The following ACBD6 variants were observed in gnomAD, a reference collection of about 807,000 sequenced individuals.
ACBD6 encodes the protein acyl-CoA binding domain containing 6, also known as acyl-CoA-binding domain-containing protein 6.
ACBD6 carries 28 observed loss-of-function variants against 37.2 expected under a neutral mutation model. The ratio of observed to expected loss-of-function variants is 0.75; its 90% CI spans 0.56 to 1.03. ACBD6 has a LOEUF of 1.03. Among genes scored for constraint, ACBD6 ranks in the 50% least tolerant of loss-of-function variants. The pLI, the probability that ACBD6 is intolerant of heterozygous loss-of-function variation, is 0.00. For missense variants in ACBD6, 340 were observed against 337.4 expected (o/e 1.01, Z -0.06); for synonymous variants, 113 against 126.8 (o/e 0.89, Z 0.73).
intron 6 of ACBD6, among the ~76,000 whole-genome samples, chr1:180,334,979 C>G (rs138434658): frequency 1.3e-5 from 2 of 152,084 alleles, no homozygotes; most frequent in South Asian, 4.1e-4. Flanking sequence ...TAAAAAGAAA[C>G]GAACAAAGCC....
At chr1:180,356,737 C>T (rs1371267789) in intron 6 of ACBD6, among the ~76,000 whole-genome samples, 1 of 151,342 alleles carries the variant, frequency 6.6e-6, no homozygotes, top group Non-Finnish European at 1.5e-5. Flanking sequence ...GTAGTCTCAG[C>T]TACTTGGGAG....
chr1:180,347,412 T>C (rs1439778727), intron 6 of ACBD6, among the ~76,000 whole-genome samples: 2 of 138,586 alleles, frequency 1.4e-5, no homozygotes, highest in African/African-American at 5.4e-5. Context: ...TCGGCTAGGC[T>C]GGAGTAAAGT....
In ACBD6 at chr1:180,502,393, T is replaced by A; in HGVS notation, c.-127A>T. The A allele has an allele frequency of 1.9e-6, 2 of 1,041,134 alleles. No homozygotes were observed. Among genetic ancestry groups the A allele is most frequent in the South Asian group, 1.4e-5 (1 of 73,530 alleles). The allele number at this position is 1,041,134 out of a possible 1,614,324, so 64.5% of individuals were successfully genotyped here. On this transcript the variant is annotated 5_prime_UTR_variant, in exon 1 of 8. Transcript: ENST00000367595. ...GAGCTCCAGTCGGACCCAAGCTCAG[T>A]CGCGGCGCGCTCCCTCACGTGACCC...
chr1:180,494,932 G>A (rs982858226), intron 2 of ACBD6, among the ~76,000 whole-genome samples: 2 of 152,140 alleles, frequency 1.3e-5, no homozygotes, highest in Non-Finnish European at 2.9e-5. Context: ...GTTAGTATCT[G>A]GTTTTGGCTT....
intron 6 of ACBD6, 68 bp downstream of exon 6, chr1:180,397,448 G>T: frequency 1.5e-6 from 2 of 1,356,574 alleles, no homozygotes; most frequent in South Asian, 1.2e-5. Flanking sequence ...GAGTTAATCT[G>T]GTAAATTTTA....
At chr1:180,390,860 C>T (rs955220848) in intron 6 of ACBD6, among the ~76,000 whole-genome samples, 8 of 152,044 alleles carry the variant, frequency 5.3e-5, no homozygotes, top group Non-Finnish European at 7.4e-5. Context: ...TGGAAATTCA[C>T]GGGGCCCAGA....
chr1:180,387,481 G>A (rs1185892966), intron 6 of ACBD6, among the ~76,000 whole-genome samples: 1 of 152,202 alleles, frequency 6.6e-6, no homozygotes, highest in Non-Finnish European at 1.5e-5. Flanking sequence ...CCTCTGGGCA[G>A]GAGATGAAAG....
intron 6 of ACBD6, among the ~76,000 whole-genome samples, chr1:180,332,162 T>C (rs1651511004): frequency 6.6e-6 from 1 of 152,184 alleles, no homozygotes; most frequent in South Asian, 2.1e-4. Flanking sequence ...CTGCTAACAA[T>C]ACATTTCTGT....
At chr1:180,333,907 C>T (rs1353799782) in intron 6 of ACBD6, among the ~76,000 whole-genome samples, 1 of 152,222 alleles carries the variant, frequency 6.6e-6, no homozygotes, top group African/African-American at 2.4e-5. Flanking sequence ...CCCACGGAGC[C>T]TCGCTCATTG....
chr1:180,354,374 A>T (rs1652541883), intron 6 of ACBD6, among the ~76,000 whole-genome samples: 1 of 152,204 alleles, frequency 6.6e-6, no homozygotes, highest in Non-Finnish European at 1.5e-5. Context: ...AATATTATCA[A>T]ATGTGGTTTC....
Position 180,430,282 on chromosome 1 carries a change from A to G in ACBD6, c.385-20T>C. 1.3e-6 allele frequency: 2 copies of G among 1,587,480 alleles called. No individual in the cohort carries two copies. Among genetic ancestry groups the G allele is most frequent in the Non-Finnish European group, 1.7e-6 (2 of 1,157,250 alleles). ...TGGTATCTGTGGGAAGGAGAAAAAAAAGTGAAAAAAAGACAAATGGGTTAA... is the reference window on the plus strand; with the variant it reads ...TGGTATCTGTGGGAAGGAGAAAAAAGAGTGAAAAAAAGACAAATGGGTTAA... On this transcript the variant is annotated intron_variant, in intron 3 of 7. Coordinates refer to ENST00000367595, the MANE Select transcript of ACBD6 (RefSeq NM_032360.4).
At chr1:180,301,662 G>A (rs1359022932) in intron 7 of ACBD6, among the ~76,000 whole-genome samples, 1 of 151,990 alleles carries the variant, frequency 6.6e-6, no homozygotes, top group South Asian at 2.1e-4. Flanking sequence ...ATCACTAGTG[G>A]CATTTTGTAT....
intron 10 of ACBD6, chr1:180,274,140 A>G (rs1310149463): frequency 4.3e-6 from 7 of 1,612,652 alleles, no homozygotes; most frequent in East Asian, 4.5e-5. Context: ...GGGGACCATC[A>G]GAGTCCTGGC....
At chr1:180,493,848 T>C (rs1259105951) in intron 2 of ACBD6, among the ~76,000 whole-genome samples, 1 of 152,220 alleles carries the variant, frequency 6.6e-6, no homozygotes, top group Non-Finnish European at 1.5e-5. Flanking sequence ...GTCCAACTGT[T>C]TTATAACATA....
chr1:180,444,868 C>T (rs1290151835), intron 3 of ACBD6, among the ~76,000 whole-genome samples: 1 of 152,184 alleles, frequency 6.6e-6, no homozygotes, highest in Non-Finnish European at 1.5e-5. Context: ...GATTCAGACT[C>T]CACCTTAGTC....
In ACBD6 at chr1:180,427,917, TC is replaced by T. The variant is rs775152406; in HGVS notation, c.467+2262del. ...CTTGGTGACAGAGCAAGACTCTGTC[TC>T]AAAAAAAAAAAAAAAACCAAAAACC... On this transcript the variant is annotated intron_variant, in intron 4 of 7. Transcript: ENST00000367595. Among the ~76,000 whole-genome samples, 102 of 112,206 alleles carry T rather than the reference TC, an allele frequency of 9.1e-4. 2 individuals are homozygous for T. Among genetic ancestry groups the T allele is most frequent in the Admixed American group, 6.7e-4 (7 of 10,426 alleles). The allele number at this position is 112,206 out of a possible 152,430, so 73.6% of individuals were successfully genotyped here.
intron 3 of ACBD6, among the ~76,000 whole-genome samples, chr1:180,465,774 T>C (rs1351844663): frequency 6.6e-6 from 1 of 152,148 alleles, no homozygotes; most frequent in Non-Finnish European, 1.5e-5. Context: ...TGCTTATGAA[T>C]GACAGAGGAG....
At chr1:180,326,043 T>G (rs1452485489) in intron 6 of ACBD6, among the ~76,000 whole-genome samples, 1 of 152,128 alleles carries the variant, frequency 6.6e-6, no homozygotes, top group Non-Finnish European at 1.5e-5. Flanking sequence ...CTATCTTTAC[T>G]CAAGGCCCTA....
intron 6 of ACBD6, among the ~76,000 whole-genome samples, chr1:180,339,556 T>C (rs1471456832): frequency 6.6e-6 from 1 of 151,822 alleles, no homozygotes; most frequent in Non-Finnish European, 1.5e-5. Context: ...GAGGGAGGGA[T>C]AGCGTTAGGA....
Sources: allele counts gnomAD v4.1 joint callset (sites outside exome capture counted in the v4.1 genomes callset), GRCh38; gene constraint gnomAD v4.1.1; transcripts MANE v1.5; gene names NCBI Gene and HGNC (gene_info 2026-07-23, HGNC 2026-07-21).